The following C1orf122 variants were observed in gnomAD, a reference collection of about 807,000 sequenced individuals.
C1orf122 encodes the protein uncharacterized protein C1orf122.
C1orf122 carries 12 observed loss-of-function variants against 12.9 expected under a neutral mutation model. The observed-to-expected ratio is 0.93, with a 90% CI of 0.60 to 1.51. The LOEUF is 1.51. Among genes scored for constraint, C1orf122 ranks in the 40% most tolerant of loss-of-function variants. The pLI, the probability that C1orf122 is intolerant of heterozygous loss-of-function variation, is 0.00. For missense variants in C1orf122, 144 were observed against 162.1 expected, an observed-to-expected ratio of 0.89 and a Z score of 0.61; for synonymous variants, 57 against 73.4, an observed-to-expected ratio of 0.78 and a Z score of 1.14.
rs970841710 is a variant in C1orf122, at chr1:37,808,328, G to T, written c.-77G>T. The stretch of plus-strand genomic sequence containing the variant: ...ACCGGTGGGGACGGGGCGGGGCGCA[G>T]CCTTGCGAAGCCCTAACGCAGCGCT... On this transcript the variant is annotated 5_prime_UTR_variant, in exon 1 of 3. Coordinates refer to ENST00000373042, the MANE Select transcript of C1orf122 (RefSeq NM_198446.3). The T allele has an allele frequency of 7.8e-7, 1 of 1,280,530 alleles. No individual in the cohort carries two copies. Among genetic ancestry groups the T allele is most frequent in the Admixed American group, 4.2e-5 (1 of 23,794 alleles). 79.3% of individuals were successfully genotyped at this position (1,280,530 alleles called of 1,614,324 possible).
chr1:37,807,872 C>G lies in C1orf122; in HGVS notation c.-533C>G. 2 of 1,471,546 alleles carry G rather than the reference C, an allele frequency of 1.4e-6. No homozygotes were observed. Among genetic ancestry groups the G allele is most frequent in the Non-Finnish European group, 1.8e-6 (2 of 1,111,410 alleles). 91.2% of individuals were successfully genotyped at this position (1,471,546 alleles called of 1,614,324 possible). On this transcript the variant is annotated 5_prime_UTR_variant, in exon 1 of 3. Transcript: ENST00000373042. ...GACCCTTGAGGCGGTACACAGCGCG[C>G]AGAGCCGCCGAGCAGCTCGCCGCGC...
chr1:37,809,128 A>C lies in C1orf122; in HGVS notation c.*55A>C. On this transcript the variant is annotated 3_prime_UTR_variant, in exon 3 of 3. Transcript: ENST00000373042. ...CTCCCTCCCCAGGGCCGGTGGCTGG[A>C]CTCTGAACAACTCCCTTCAGTAAAG... 3.2e-6 allele frequency: 5 copies of C among 1,568,816 alleles called. No individual in the cohort carries two copies. The highest frequency in any genetic ancestry group is 4.4e-6 in the Non-Finnish European group (5 of 1,138,802).
At position 37,809,127 on chromosome 1, in the gene C1orf122, G is replaced by T; in HGVS notation, c.*54G>T. ...TCTCCCTCCCCAGGGCCGGTGGCTGGACTCTGAACAACTCCCTTCAGTAAA... is the reference window on the plus strand; with the variant it reads ...TCTCCCTCCCCAGGGCCGGTGGCTGTACTCTGAACAACTCCCTTCAGTAAA... On this transcript the variant is annotated 3_prime_UTR_variant, in exon 3 of 3. Coordinates refer to ENST00000373042, the MANE Select transcript of C1orf122 (RefSeq NM_198446.3). The T allele has an allele frequency of 1.3e-6, 2 of 1,586,212 alleles. No homozygotes were observed. The highest frequency in any genetic ancestry group is 1.3e-5 in the African/African-American group (1 of 74,406).
chr1:37,808,923 C>G, intron 2 of C1orf122, 55 bp from the exon 3 acceptor site: 1 of 1,565,310 alleles, frequency 6.4e-7, no homozygotes. Context: ...CCTTGTGGGG[C>G]CTAATCCAAG....
Position 37,809,195 on chromosome 1 carries a change from C to A in C1orf122, c.*122C>A. The A allele has an allele frequency of 8.6e-7, 1 of 1,161,252 alleles. No individual in the cohort carries two copies. Among genetic ancestry groups the A allele is most frequent in the Non-Finnish European group, 1.3e-6 (1 of 766,950 alleles). The allele number at this position is 1,161,252 out of a possible 1,614,324, so 71.9% of individuals were successfully genotyped here. A position where few individuals can be genotyped will look rare whatever the true frequency, so the allele number is the denominator to read the frequency against. ...GCAGTGGCTGGTACTTGGCTCTCAG[C>A]CTGGAGTGGCAGCTCTGCTAGCAGC... is the stretch of plus-strand genomic sequence containing the variant. On this transcript the variant is annotated 3_prime_UTR_variant, in exon 3 of 3. Coordinates refer to ENST00000373042, the MANE Select transcript of C1orf122 (RefSeq NM_198446.3).
chr1:37,808,265 G>C lies in C1orf122; in HGVS notation c.-140G>C. 4 of 1,302,928 alleles carry C rather than the reference G, an allele frequency of 3.1e-6. No homozygotes were observed. The highest frequency in any genetic ancestry group is 3.9e-6 in the Non-Finnish European group (4 of 1,026,638). The allele number at this position is 1,302,928 out of a possible 1,614,324, so 80.7% of individuals were successfully genotyped here. On this transcript the variant is annotated 5_prime_UTR_variant, in exon 1 of 3. Coordinates refer to ENST00000373042, the MANE Select transcript of C1orf122 (RefSeq NM_198446.3). ...CTCGGCCCCGCCTCTGCGCCGGGCAGCTTAAAGGGACCACGACCCCCAGGA... is the reference window on the plus strand; with the variant it reads ...CTCGGCCCCGCCTCTGCGCCGGGCACCTTAAAGGGACCACGACCCCCAGGA...
chr1:37,807,794 G>A lies in C1orf122; in HGVS notation c.-611G>A, dbSNP rs752646134. 2.0e-6 allele frequency: 3 copies of A among 1,509,392 alleles called. No homozygotes were observed. The highest frequency in any genetic ancestry group is 2.4e-5 in the South Asian group (2 of 82,920). The allele number at this position is 1,509,392 out of a possible 1,614,324, so 93.5% of individuals were successfully genotyped here. A position where few individuals can be genotyped will look rare whatever the true frequency, so the allele number is the denominator to read the frequency against. On this transcript the variant is annotated 5_prime_UTR_variant, in exon 1 of 3. Transcript: ENST00000373042. Reference sequence around the variant, plus strand: ...GGGCCGGGTCGGGGCGGCCTTACCTGTAGACGTCGGCCACGCGGCCGAGGC... The same window carrying A: ...GGGCCGGGTCGGGGCGGCCTTACCTATAGACGTCGGCCACGCGGCCGAGGC...
At position 37,809,069 on chromosome 1, in the gene C1orf122, C is replaced by A. The variant is rs1646767071; in HGVS notation, c.329C>A (p.Pro110His). The change falls in exon 3 of 3, where the codon CCC (proline) becomes CAC (histidine). Residue 110 changes from proline (P) to histidine (H), a missense_variant. Coordinates refer to ENST00000373042, the MANE Select transcript of C1orf122 (RefSeq NM_198446.3). ...GATGCTGGCGATGGAGCTGCGGAGC[C>A]CTGACCATCCCCGAGCAGAATACCC... is the stretch of plus-strand genomic sequence containing the variant. ...PKDAGDGAAEP is the reference protein window; with the variant it reads ...PKDAGDGAAEH 5 of 1,613,720 alleles carry A rather than the reference C, an allele frequency of 3.1e-6. 1 individual carries two copies. In the African/African-American group the frequency reaches 6.7e-5, roughly 21 times the overall value.
rs1263619284 is a variant in C1orf122 at position 37,807,935 on chromosome 1, C to T, written c.-470C>T. 34 of 1,243,870 alleles carry T rather than the reference C, an allele frequency of 2.7e-5. No individual in the cohort carries two copies. The highest frequency in any genetic ancestry group is 3.1e-5 in the Non-Finnish European group (31 of 993,632). 77.1% of individuals were successfully genotyped at this position (1,243,870 alleles called of 1,614,324 possible). On this transcript the variant is annotated 5_prime_UTR_variant, in exon 1 of 3. Transcript: ENST00000373042. ...ACAGCGTATCGGTGGGGACGGCCAC[C>T]ACGGCGCCGGCGCGCAGCTCGGCCA... is the stretch of plus-strand genomic sequence containing the variant.
rs1046387 is a variant in C1orf122, at chr1:37,808,679, G to A, written c.184G>A (p.Glu62Lys). 3.5e-6 allele frequency: 5 copies of A among 1,419,692 alleles called. No individual in the cohort carries two copies. The highest frequency in any genetic ancestry group is 1.5e-5 in the South Asian group (1 of 64,836). 87.9% of individuals were successfully genotyped at this position (1,419,692 alleles called of 1,614,324 possible). ...RQLLDTIAACEEMLRQLGRRR... is the reference protein window; with the variant it reads ...RQLLDTIAACKEMLRQLGRRR... ...GCTCCTGGACACCATCGCAGCCTGC[G>A]AGGAGATGTTACGGCAGCTGGGCCG... Residue 62 changes from glutamate to lysine, a missense_variant, in exon 2 of 3, where the codon GAG (glutamate) becomes AAG (lysine). Transcript: ENST00000373042.
At chr1:37,808,495 G>A in intron 1 of C1orf122, 36 bp from the exon 2 acceptor site, 2 of 1,283,718 alleles carry the variant, frequency 1.6e-6, no homozygotes, top group South Asian at 5.2e-5. Context: ...GCAAGCGCCG[G>A]CCCTGACCGT....
Position 37,808,745 on chromosome 1 carries a change from C to A in C1orf122, c.237+13C>A. On this transcript the variant is annotated intron_variant, in intron 2 of 2. Coordinates refer to ENST00000373042, the MANE Select transcript of C1orf122 (RefSeq NM_198446.3). ...GGCTGGTGGCGGGGTTAGTGCCCAC[C>A]CTGGGCTGGGCTGGGGTGGGGTGGG... 6.9e-7 allele frequency: 1 copy of A among 1,443,412 alleles called. No homozygotes were observed. Among genetic ancestry groups the A allele is most frequent in the East Asian group, 2.6e-5 (1 of 38,626 alleles). 89.4% of individuals were successfully genotyped at this position (1,443,412 alleles called of 1,614,324 possible). A position where few individuals can be genotyped will look rare whatever the true frequency, so the allele number is the denominator to read the frequency against.
chr1:37,807,811 G>A lies in C1orf122; in HGVS notation c.-594G>A, dbSNP rs1025254401. On this transcript the variant is annotated 5_prime_UTR_variant, in exon 1 of 3. Coordinates refer to ENST00000373042, the MANE Select transcript of C1orf122 (RefSeq NM_198446.3). ...CCTTACCTGTAGACGTCGGCCACGC[G>A]GCCGAGGCATACGGCCAGAGGCTTG... The A allele has an allele frequency of 2.0e-6, 3 of 1,510,988 alleles. No homozygotes were observed. The highest frequency in any genetic ancestry group is 4.1e-5 in the Admixed American group (2 of 49,042). The allele number at this position is 1,510,988 out of a possible 1,614,324, so 93.6% of individuals were successfully genotyped here. A position where few individuals can be genotyped will look rare whatever the true frequency, so the allele number is the denominator to read the frequency against.
Position 37,808,122 on chromosome 1 carries a change from A to C in C1orf122, c.-283A>C. The stretch of plus-strand genomic sequence containing the variant: ...CCGGGAGCCAGCAGGCCCCTCGCTC[A>C]ACCCCACGCTGGCAGCCACCGCGGC... On this transcript the variant is annotated 5_prime_UTR_variant, in exon 1 of 3. Coordinates refer to ENST00000373042, the MANE Select transcript of C1orf122 (RefSeq NM_198446.3). 6.8e-7 allele frequency: 1 copy of C among 1,460,046 alleles called. No homozygotes were observed. The highest frequency in any genetic ancestry group is 9.0e-7 in the Non-Finnish European group (1 of 1,111,858). The allele number at this position is 1,460,046 out of a possible 1,614,324, so 90.4% of individuals were successfully genotyped here. A position where few individuals can be genotyped will look rare whatever the true frequency, so the allele number is the denominator to read the frequency against.
In C1orf122 at chr1:37,808,599, C is replaced by A; in HGVS notation, c.104C>A (p.Pro35His). The A allele has an allele frequency of 7.7e-7, 1 of 1,302,230 alleles. No individual in the cohort carries two copies. Among genetic ancestry groups the A allele is most frequent in the Non-Finnish European group, 9.7e-7 (1 of 1,027,226 alleles). 80.7% of individuals were successfully genotyped at this position (1,302,230 alleles called of 1,614,324 possible). The change falls in exon 2 of 3, where the codon CCC becomes CAC. Residue 35 changes from proline (P) to histidine (H), a missense_variant. Pro to His is a moderately conservative substitution (Grantham distance 77). Coordinates refer to ENST00000373042, the MANE Select transcript of C1orf122 (RefSeq NM_198446.3). ...GLGGRPPPQP[P>H]REERAQQLLD... is the part of the protein sequence containing the mutation. The stretch of plus-strand genomic sequence containing the variant: ...GGCGGGAGGCCACCCCCACAGCCGC[C>A]CCGGGAGGAGCGCGCCCAGCAGCTG...
At position 37,808,176 on chromosome 1, in the gene C1orf122, G is replaced by C. The variant is rs578235508; in HGVS notation, c.-229G>C. On this transcript the variant is annotated 5_prime_UTR_variant, in exon 1 of 3. Transcript: ENST00000373042. The stretch of plus-strand genomic sequence containing the variant: ...CATCCCCCTGCACCGACGCGCCGGA[G>C]ACATCCGCCCAGGCCCGCTTCCGGG... The C allele has an allele frequency of 2.8e-4, 412 of 1,454,212 alleles. 2 individuals carry two copies. The African/African-American group carries it at 5.2e-3, about 18-fold the overall frequency. The allele number at this position is 1,454,212 out of a possible 1,614,324, so 90.1% of individuals were successfully genotyped here.
At position 37,808,182 on chromosome 1, in the gene C1orf122, CGCCCAGGCCCGCTTCCGGGAGGAA is replaced by C. The variant is rs1327222792; in HGVS notation, c.-221_-198del. On this transcript the variant is annotated 5_prime_UTR_variant, in exon 1 of 3. Coordinates refer to ENST00000373042, the MANE Select transcript of C1orf122 (RefSeq NM_198446.3). ...CCTGCACCGACGCGCCGGAGACATC[CGCCCAGGCCCGCTTCCGGGAGGAA>C]GTGACGCTCCCAGCCAGCTTCCGGT... 1 of 1,437,650 alleles carries C rather than the reference CGCCCAGGCCCGCTTCCGGGAGGAA, an allele frequency of 7.0e-7. No homozygotes were observed. The allele number at this position is 1,437,650 out of a possible 1,614,324, so 89.1% of individuals were successfully genotyped here.
At position 37,807,845 on chromosome 1, in the gene C1orf122, GC is replaced by G; in HGVS notation, c.-559del. On this transcript the variant is annotated 5_prime_UTR_variant, in exon 1 of 3. Transcript: ENST00000373042. ...ATACGGCCAGAGGCTTGGCCTCGCT[GC>G]GACCCTTGAGGCGGTACACAGCGCG... The G allele has an allele frequency of 6.6e-7, 1 of 1,508,000 alleles. No homozygotes were observed. The highest frequency in any genetic ancestry group is 2.7e-5 in the East Asian group (1 of 37,712). 93.4% of individuals were successfully genotyped at this position (1,508,000 alleles called of 1,614,324 possible). A position where few individuals can be genotyped will look rare whatever the true frequency, so the allele number is the denominator to read the frequency against.
At position 37,808,278 on chromosome 1, in the gene C1orf122, A is replaced by T. The variant is rs1288319100; in HGVS notation, c.-127A>T. 3.9e-6 allele frequency: 5 copies of T among 1,288,628 alleles called. No individual in the cohort carries two copies. The allele number at this position is 1,288,628 out of a possible 1,614,324, so 79.8% of individuals were successfully genotyped here. ...CTGCGCCGGGCAGCTTAAAGGGACC[A>T]CGACCCCCAGGAGGATTGAAGGAGA... On this transcript the variant is annotated 5_prime_UTR_variant, in exon 1 of 3. Transcript: ENST00000373042.
Sources: allele counts gnomAD v4.1 joint callset, GRCh38; gene constraint gnomAD v4.1.1; transcripts MANE v1.5; gene names NCBI Gene and HGNC (gene_info 2026-07-23, HGNC 2026-07-21).